Variants in ZNF583 observed in about 807,000 individuals in gnomAD.
ZNF583 encodes zinc finger protein 583.
In ZNF583, 30 loss-of-function variants were observed where a neutral mutation model predicts 55.3. The observed-to-expected ratio is 0.54, with a 90% CI of 0.41 to 0.74. The LOEUF (loss-of-function observed/expected upper bound fraction) is 0.74, where lower values mean the gene tolerates loss of function less well. ZNF583 is among the 30% of genes least tolerant of loss of function. The pLI is 0.00. For missense variants in ZNF583, 504 were observed against 664.7 expected, an observed-to-expected ratio of 0.76 and a Z score of 2.66; for synonymous variants, 208 against 220.0, an observed-to-expected ratio of 0.95 and a Z score of 0.48.
intron 4 of ZNF583, among the ~76,000 whole-genome samples, chr19:56,419,587 C>T (rs1403690802): frequency 6.6e-6 from 1 of 152,184 alleles, no homozygotes; most frequent in Non-Finnish European, 1.5e-5. Flanking sequence ...TTATCTTTCT[C>T]TATTTTCTGA....
Position 56,413,940 on chromosome 19 carries a change from T to A in ZNF583, c.10-19T>A. 2 of 1,613,840 alleles carry A rather than the reference T, an allele frequency of 1.2e-6. No homozygotes were observed. The highest frequency in any genetic ancestry group is 8.5e-7 in the Non-Finnish European group (1 of 1,179,866). ...GATATGAACACTAGTTGAGCAAGAA[T>A]GTGTTTATGTCATTTCAGGATTTGG... On this transcript the variant is annotated intron_variant, in intron 2 of 4. Coordinates refer to ENST00000333201, the MANE Select transcript of ZNF583 (RefSeq NM_152478.3).
At chr19:56,417,729 T>C (rs1312803260) in intron 4 of ZNF583, among the ~76,000 whole-genome samples, 1 of 152,212 alleles carries the variant, frequency 6.6e-6, no homozygotes, top group Non-Finnish European at 1.5e-5. Flanking sequence ...TTCTTGCTAC[T>C]CCCAGGTCAC....
chr19:56,424,686 C>T lies in ZNF583; in HGVS notation c.*318C>T, dbSNP rs952863019. On this transcript the variant is annotated 3_prime_UTR_variant, in exon 5 of 5. Coordinates refer to ENST00000333201, the MANE Select transcript of ZNF583 (RefSeq NM_152478.3). ...CTTCCAAAGTTTCTATCTTGTGTCA[C>T]TATCCATCTCATTCTCTGAATACTT... 1.0e-4 allele frequency: 23 copies of T among 229,340 alleles called. No homozygotes were observed. Among genetic ancestry groups the T allele is most frequent in the East Asian group, 9.3e-5 (1 of 10,722 alleles). The allele number at this position is 229,340 out of a possible 1,614,324, so 14.2% of individuals were successfully genotyped here.
chr19:56,413,060 C>A (rs973597308), intron 2 of ZNF583, among the ~76,000 whole-genome samples: 9 of 152,260 alleles, frequency 5.9e-5, no homozygotes, highest in African/African-American at 2.2e-4. Context: ...TTTTGTGACA[C>A]CAAGCTGCTG....
intron 2 of ZNF583, among the ~76,000 whole-genome samples, chr19:56,413,602 G>C (rs1261518280): frequency 1.3e-5 from 2 of 152,012 alleles, no homozygotes; most frequent in Non-Finnish European, 2.9e-5. Flanking sequence ...TTACTGCCCC[G>C]GTGTATCTGA....
Position 56,423,238 on chromosome 19 carries a change from C to T in ZNF583, c.580C>T (p.Arg194Ter), listed in dbSNP as rs780680078. ...GCATGAACCACAAAAGAAAAGTTAC[C>T]GAAAAAAATCTGTTGAAATGAAACA... is the stretch of plus-strand genomic sequence containing the variant. The part of the protein sequence containing the change: ...HKHEPQKKSY[R>*]KKSVEMKHRK... Residue 194 changes from arginine to a stop codon, truncating the protein, a stop_gained, in exon 5 of 5, where the codon CGA (arginine) becomes TGA (stop). Transcript: ENST00000333201. LOFTEE classifies it high-confidence loss of function. 7 of 1,610,876 alleles carry T rather than the reference C, an allele frequency of 4.3e-6. No individual in the cohort carries two copies. Among genetic ancestry groups the T allele is most frequent in the Middle Eastern group, 1.6e-4 (1 of 6,064 alleles).
chr19:56,406,742 T>C (rs2042157903), intron 1 of ZNF583, among the ~76,000 whole-genome samples: 1 of 152,160 alleles, frequency 6.6e-6, no homozygotes, highest in South Asian at 2.1e-4. Context: ...TTAGCCAGGA[T>C]GGTCTCGATC....
At chr19:56,406,175 T>A (rs1355139359) in intron 1 of ZNF583, among the ~76,000 whole-genome samples, 1 of 152,202 alleles carries the variant, frequency 6.6e-6, no homozygotes, top group Non-Finnish European at 1.5e-5. Context: ...TAGGCCGTCT[T>A]GACTCTTTGA....
chr19:56,415,225 C>G (rs1276975200), intron 4 of ZNF583, among the ~76,000 whole-genome samples: 1 of 151,936 alleles, frequency 6.6e-6, no homozygotes, highest in African/African-American at 2.4e-5. Flanking sequence ...AAAAGAAAGC[C>G]AATTTTATTT....
At chr19:56,411,520 T>C (rs776578786) in intron 2 of ZNF583, among the ~76,000 whole-genome samples, 3 of 152,230 alleles carry the variant, frequency 2.0e-5, no homozygotes, top group Non-Finnish European at 1.5e-5. Flanking sequence ...TCTCAAGGAC[T>C]TCATGTAGCA....
chr19:56,422,655 T>A (rs2042434113), intron 4 of ZNF583, among the ~76,000 whole-genome samples: 1 of 152,204 alleles, frequency 6.6e-6, no homozygotes, highest in South Asian at 2.1e-4. Flanking sequence ...AAGATGATTA[T>A]GATTTTTAGA....
At position 56,417,617 on chromosome 19, in the gene ZNF583, TTTTG is replaced by T. The variant is rs2042348419; in HGVS notation, c.232+3181_232+3184del. Among the ~76,000 whole-genome samples, 2 of 152,224 alleles carry T rather than the reference TTTTG, an allele frequency of 1.3e-5. 1 individual carries two copies. Among genetic ancestry groups the T allele is most frequent in the South Asian group, 4.1e-4 (2 of 4,834 alleles). On this transcript the variant is annotated intron_variant, in intron 4 of 4. Coordinates refer to ENST00000333201, the MANE Select transcript of ZNF583 (RefSeq NM_152478.3). ...TATGTATGCCAATTATGGCTTGCCTTTTTGTTTTTCTGCTGCCACCTCTGTTGGA... is the reference window on the plus strand; with the variant it reads ...TATGTATGCCAATTATGGCTTGCCTTTTTTTCTGCTGCCACCTCTGTTGGA...
At chr19:56,420,915 T>C (rs986530222) in intron 4 of ZNF583, among the ~76,000 whole-genome samples, 1 of 152,216 alleles carries the variant, frequency 6.6e-6, no homozygotes, top group Non-Finnish European at 1.5e-5. Flanking sequence ...AGTCTACTAT[T>C]GTTTTCTCTT....
intron 4 of ZNF583, among the ~76,000 whole-genome samples, chr19:56,421,000 T>C (rs1490026225): frequency 6.6e-6 from 1 of 152,186 alleles, no homozygotes; most frequent in Non-Finnish European, 1.5e-5. Context: ...TATAATTCCA[T>C]TTTATTTTAT....
chr19:56,421,588 G>A lies in ZNF583; in HGVS notation c.233-1303G>A, dbSNP rs1600377049. 8 of 788,104 alleles carry A rather than the reference G, an allele frequency of 1.0e-5. No homozygotes were observed. In the East Asian group the frequency reaches 3.8e-4, roughly 37 times the overall value. 48.8% of individuals were successfully genotyped at this position (788,104 alleles called of 1,614,324 possible). A position where few individuals can be genotyped will look rare whatever the true frequency, so the allele number is the denominator to read the frequency against. ...TTATCCACTGTAATATTTAAGTTTAGTGGTAATATTCCATTTGGTTTCAGA... is the reference window on the plus strand; with the variant it reads ...TTATCCACTGTAATATTTAAGTTTAATGGTAATATTCCATTTGGTTTCAGA... On this transcript the variant is annotated intron_variant, in intron 4 of 4. Coordinates refer to ENST00000333201, the MANE Select transcript of ZNF583 (RefSeq NM_152478.3).
At chr19:56,406,774 G>A (rs550035639) in intron 1 of ZNF583, among the ~76,000 whole-genome samples, 38 of 152,224 alleles carry the variant, frequency 2.5e-4, no homozygotes, top group East Asian at 1.4e-3. Flanking sequence ...TGATTCGCCA[G>A]CCTCGGCCTC....
At chr19:56,408,345 A>T (rs1277673580) in intron 2 of ZNF583, among the ~76,000 whole-genome samples, 2 of 152,226 alleles carry the variant, frequency 1.3e-5, no homozygotes, top group Non-Finnish European at 2.9e-5. Flanking sequence ...GACAATAGAA[A>T]TGTTCTATAT....
chr19:56,414,861 C>CAAAAAAAAAAA (rs35096926), intron 4 of ZNF583: 37 of 64,262 alleles, frequency 5.8e-4, no homozygotes, highest in African/African-American at 1.8e-3. Flanking sequence ...ACTAAAAATA[C>CAAAAAAAAAAA]AAAAAAAAAA....
chr19:56,421,212 T>C (rs1473352267), intron 4 of ZNF583, among the ~76,000 whole-genome samples: 1 of 152,200 alleles, frequency 6.6e-6, no homozygotes, highest in Non-Finnish European at 1.5e-5. Context: ...TTTTATCTAA[T>C]TCTGATACAC....
Sources: gnomAD v4.1 joint callset for allele counts (sites outside exome capture counted in the v4.1 genomes callset) on GRCh38, gnomAD v4.1.1 for gene constraint, MANE v1.5 for transcripts, NCBI Gene and HGNC (gene_info 2026-07-23, HGNC 2026-07-21) for gene names.